The following TRIM17 variants were observed in gnomAD, a reference collection of about 807,000 sequenced individuals.
TRIM17 encodes the protein tripartite motif containing 17.
In TRIM17, 27 loss-of-function variants were observed where a neutral mutation model predicts 35.8. The observed-to-expected ratio is 0.75, with a 90% CI of 0.56 to 1.04. The LOEUF is 1.04. TRIM17 is among the 50% of genes least tolerant of loss of function. TRIM17 has a pLI of 0.00. For missense variants in TRIM17, 582 were observed against 612.8 expected, an observed-to-expected ratio of 0.95 and a Z score of 0.53; for synonymous variants, 246 against 252.6, an observed-to-expected ratio of 0.97 and a Z score of 0.25.
chr1:228,409,797 A>T (rs1168465497), intron 4 of TRIM17: 15 of 131,374 alleles, frequency 1.1e-4, no homozygotes, highest in African/African-American at 4.1e-4. Flanking sequence ...TTGGGGAGGG[A>T]GGGGGGTGGG....
chr1:228,411,102 C>T lies in TRIM17; in HGVS notation c.600G>A (p.Glu200=), dbSNP rs768349233. 2.4e-5 allele frequency: 39 copies of T among 1,614,062 alleles called. No homozygotes were observed. The highest frequency in any genetic ancestry group is 3.2e-5 in the Non-Finnish European group (38 of 1,180,032). The change falls in exon 4 of 7, where the codon GAG becomes GAA. Residue 200 remains glutamate (E), a synonymous_variant. Coordinates refer to ENST00000366698, the MANE Select transcript of TRIM17 (RefSeq NM_016102.4). The surrounding 1 kb of genome is among the most constrained non-coding windows in gnomAD (Gnocchi z 4.2). ...EKMNLYLVEE[E]QRLLQALETE... ...TCTCCAGAGCCTGGAGGAGCCTCTG[C>T]TCTTCTTCCACCAGGTAGAGGTTCA...
At chr1:228,415,900 G>T (rs1657095967) in intron 1 of TRIM17, 1 of 152,312 alleles carries the variant, frequency 6.6e-6, no homozygotes. Flanking sequence ...CACAGGCACA[G>T]ATGCACATAT....
At chr1:228,415,336 C>G (rs1011577797) in intron 1 of TRIM17, 1 of 450,886 alleles carries the variant, frequency 2.2e-6, no homozygotes. Context: ...CTCCTCTCCA[C>G]TGGGCCTGGA....
rs1057001501 is a variant in TRIM17 at position 228,416,822 on chromosome 1, G to T, written c.-325C>A. 1.0e-6 allele frequency: 1 copy of T among 984,946 alleles called. No homozygotes were observed. The allele number at this position is 984,946 out of a possible 1,614,324, so 61.0% of individuals were successfully genotyped here. On this transcript the variant is annotated 5_prime_UTR_variant, in exon 1 of 7. Coordinates refer to ENST00000366698, the MANE Select transcript of TRIM17 (RefSeq NM_016102.4). ...GAAGGAAGGCGGCAGGGGGTGGAAG[G>T]CTCTGGACGAGCCGGGGACAGGCGC...
Position 228,416,738 on chromosome 1 carries a change from A to T in TRIM17, c.-241T>A. ...GGGGGAGGGGAATGCTGGGCGAGGGAGTGTTCGGCGGCCGGGACTGGGGCG... is the reference window on the plus strand; with the variant it reads ...GGGGGAGGGGAATGCTGGGCGAGGGTGTGTTCGGCGGCCGGGACTGGGGCG... On this transcript the variant is annotated 5_prime_UTR_variant, in exon 1 of 7. Coordinates refer to ENST00000366698, the MANE Select transcript of TRIM17 (RefSeq NM_016102.4). The T allele has an allele frequency of 1.1e-6, 1 of 938,544 alleles. No individual in the cohort carries two copies. Among genetic ancestry groups the T allele is most frequent in the Non-Finnish European group, 1.2e-6 (1 of 812,264 alleles). 58.1% of individuals were successfully genotyped at this position (938,544 alleles called of 1,614,324 possible).
chr1:228,408,565 A>T lies in TRIM17; in HGVS notation c.1070T>A (p.Met357Lys). ...SSGRHYWEVG[M>K]NITGDALWAL... The stretch of plus-strand genomic sequence containing the variant: ...CCACAACGCGTCCCCGGTGATGTTC[A>T]TGCCCACCTCCCAGTAGTGCCTCCC... Residue 357 changes from methionine to lysine, a missense_variant, in exon 7 of 7, where the codon ATG becomes AAG. Met to Lys is a moderately conservative substitution (Grantham distance 95). Transcript: ENST00000366698. This position sits in a 1 kb window ranked among gnomAD's most constrained non-coding sequence, Gnocchi z 6.3. 6.2e-7 allele frequency: 1 copy of T among 1,614,060 alleles called. No individual in the cohort carries two copies. The highest frequency in any genetic ancestry group is 8.5e-7 in the Non-Finnish European group (1 of 1,180,004).
chr1:228,416,707 G>A lies in TRIM17; in HGVS notation c.-210C>T, dbSNP rs532924567. ...TTTGTGGCGTCAGCGGGGGCTGGGG[G>A]GCGGCGGGGGAGGGGAATGCTGGGC... On this transcript the variant is annotated 5_prime_UTR_variant, in exon 1 of 7. Coordinates refer to ENST00000366698, the MANE Select transcript of TRIM17 (RefSeq NM_016102.4). 3.1e-6 allele frequency: 3 copies of A among 981,064 alleles called. No individual in the cohort carries two copies. The highest frequency in any genetic ancestry group is 1.2e-4 in the Admixed American group (2 of 16,276). 60.8% of individuals were successfully genotyped at this position (981,064 alleles called of 1,614,324 possible).
In TRIM17 at chr1:228,410,565, T is replaced by C. The variant is rs925545445; in HGVS notation, c.756+381A>G. On this transcript the variant is annotated intron_variant, in intron 4 of 6. Coordinates refer to ENST00000366698, the MANE Select transcript of TRIM17 (RefSeq NM_016102.4). This position sits in a 1 kb window ranked among gnomAD's most constrained non-coding sequence, Gnocchi z 4.6. The stretch of plus-strand genomic sequence containing the variant: ...ACTTGTGTCCCCACTAATTCACAGG[T>C]TGAAGCCTGAACCCTCAGGACCTCA... Among the ~76,000 whole-genome samples the C allele has an allele frequency of 6.6e-6, 1 of 152,094 alleles. No homozygotes were observed. The highest frequency in any genetic ancestry group is 2.4e-5 in the African/African-American group (1 of 41,418).
intron 2 of TRIM17, among the ~76,000 whole-genome samples, chr1:228,414,350 CTTTGCT>C (rs1558458737): frequency 6.6e-6 from 1 of 152,240 alleles, no homozygotes; most frequent in Non-Finnish European, 1.5e-5. Context: ...AATTTCAGTG[CTTTGCT>C]TCTGCTTATC....
rs1476053738 is a variant in TRIM17 at position 228,411,175 on chromosome 1, C to T, written c.527G>A (p.Gly176Asp). The part of the protein sequence containing the change: ...REEQSLAEWQ[G>D]KVKERRERIV... Reference sequence around the variant, plus strand: ...GCGTTCTCTCCGCTCCTTCACCTTGCCCTGCAGGAGTGGAGAAGCCCAGCA... The same window carrying T: ...GCGTTCTCTCCGCTCCTTCACCTTGTCCTGCAGGAGTGGAGAAGCCCAGCA... Residue 176 changes from glycine (G) to aspartate (D), a missense_variant and splice_region_variant, in exon 4 of 7, where the codon GGC (glycine) becomes GAC (aspartate). Coordinates refer to ENST00000366698, the MANE Select transcript of TRIM17 (RefSeq NM_016102.4). This position sits in a 1 kb window ranked among gnomAD's most constrained non-coding sequence, Gnocchi z 4.2. 1.9e-6 allele frequency: 3 copies of T among 1,605,454 alleles called. No individual in the cohort carries two copies. Among genetic ancestry groups the T allele is most frequent in the Non-Finnish European group, 2.6e-6 (3 of 1,175,978 alleles).
rs1288848084 is a variant in TRIM17 at position 228,414,865 on chromosome 1, G to A, written c.208C>T (p.Pro70Ser). 1 of 1,613,528 alleles carries A rather than the reference G, an allele frequency of 6.2e-7. No individual in the cohort carries two copies. The highest frequency in any genetic ancestry group is 8.5e-7 in the Non-Finnish European group (1 of 1,180,036). Residue 70 changes from proline to serine, a missense_variant, in exon 2 of 7, where the codon CCG becomes TCG. Coordinates refer to ENST00000366698, the MANE Select transcript of TRIM17 (RefSeq NM_016102.4). ...FPCPECREMS[P>S]QRNLLPNRLL... ...CGGTTGGGCAGCAGGTTCCTCTGCG[G>A]GGACATCTCTCTGCACTCGGGGCAG...
At chr1:228,409,008 A>AC in intron 6 of TRIM17, 164 bp downstream of exon 6, 1 of 1,569,730 alleles carries the variant, frequency 6.4e-7, no homozygotes, top group South Asian at 1.2e-5. Context: ...AATTAGAACC[A>AC]CCAGTAACGC....
Position 228,411,382 on chromosome 1 carries a change from A to G in TRIM17, c.526-206T>C. ...CTCCGAGCCCCGAACTGCAACTTCTACACATCCAAACACCCATGCACCCTT... is the reference window on the plus strand; with the variant it reads ...CTCCGAGCCCCGAACTGCAACTTCTGCACATCCAAACACCCATGCACCCTT... On this transcript the variant is annotated intron_variant, in intron 3 of 6. Transcript: ENST00000366698. The surrounding 1 kb of genome is among the most constrained non-coding windows in gnomAD (Gnocchi z 4.2). Among the ~76,000 whole-genome samples the G allele has an allele frequency of 6.6e-6, 1 of 152,208 alleles. No individual in the cohort carries two copies. The highest frequency in any genetic ancestry group is 1.5e-5 in the Non-Finnish European group (1 of 68,034).
rs34002550 is a variant in TRIM17 at position 228,412,595 on chromosome 1, CAAAAAAAAA to C, written c.525+1193_525+1201del. Among the ~76,000 whole-genome samples, 2 of 47,410 alleles carry C rather than the reference CAAAAAAAAA, an allele frequency of 4.2e-5. 1 individual carries two copies. Among genetic ancestry groups the C allele is most frequent in the South Asian group, 2.6e-3 (2 of 778 alleles). 31.1% of individuals were successfully genotyped at this position (47,410 alleles called of 152,430 possible). On this transcript the variant is annotated intron_variant, in intron 3 of 6. Transcript: ENST00000366698. Reference sequence around the variant, plus strand: ...GGGCAATAGCAAGACCTTGTCTCTACAAAAAAAAAAAAAAAAAAAAAAAAAAAAGCTGGT... The same window carrying C: ...GGGCAATAGCAAGACCTTGTCTCTACAAAAAAAAAAAAAAAAAAAGCTGGT...
intron 1 of TRIM17, 40 bp downstream of exon 1, chr1:228,416,499 A>G: frequency 1.0e-6 from 1 of 985,620 alleles, no homozygotes; most frequent in Non-Finnish European, 1.2e-6. Flanking sequence ...CCCAGGCGCC[A>G]CAGGAGGGTA....
At position 228,408,964 on chromosome 1, in the gene TRIM17, A is replaced by G; in HGVS notation, c.883+208T>C. 3 of 1,513,040 alleles carry G rather than the reference A, an allele frequency of 2.0e-6. No homozygotes were observed. Among genetic ancestry groups the G allele is most frequent in the Non-Finnish European group, 2.7e-6 (3 of 1,126,106 alleles). 93.7% of individuals were successfully genotyped at this position (1,513,040 alleles called of 1,614,324 possible). On this transcript the variant is annotated intron_variant, in intron 6 of 6. Transcript: ENST00000366698. The surrounding 1 kb of genome is among the most constrained non-coding windows in gnomAD (Gnocchi z 6.3). ...ATAAGGTACAGGGGGCTGGGCAGAG[A>G]GACCACTGGGAACTCAACAAGATTC...
intron 2 of TRIM17, 119 bp downstream of exon 2, chr1:228,414,525 G>T: frequency 1.1e-6 from 1 of 876,502 alleles, no homozygotes. Flanking sequence ...CTCCTCCCCA[G>T]CCCCTGACTC....
chr1:228,411,127 ATCT>A lies in TRIM17; in HGVS notation c.572_574del (p.Lys191del), dbSNP rs765668463. The A allele has an allele frequency of 4.3e-6, 7 of 1,614,064 alleles. No homozygotes were observed. Among genetic ancestry groups the A allele is most frequent in the East Asian group, 2.2e-5 (1 of 44,882 alleles). On this transcript the variant is annotated inframe_deletion, in exon 4 of 7. Transcript: ENST00000366698. This position sits in a 1 kb window ranked among gnomAD's most constrained non-coding sequence, Gnocchi z 4.2. ...CTCTTCTTCCACCAGGTAGAGGTTC[ATCT>A]TCTCAAACTCCAGCACAATGCGTTC...
Position 228,415,027 on chromosome 1 carries a change from A to C in TRIM17, c.46T>G (p.Cys16Gly), listed in dbSNP as rs752080037. Reference sequence around the variant, plus strand: ...GTGAAGTAATCCAGACAGATGGAGCACGTAGCTTCCTCCTGCAGTTTTCTG... The same window carrying C: ...GTGAAGTAATCCAGACAGATGGAGCCCGTAGCTTCCTCCTGCAGTTTTCTG... ...LARKLQEEAT[C>G]SICLDYFTDP... Residue 16 changes from cysteine to glycine, a missense_variant, in exon 2 of 7, where the codon TGC becomes GGC. Cys to Gly is a radical substitution (Grantham distance 159). Transcript: ENST00000366698. 1.9e-6 allele frequency: 3 copies of C among 1,610,046 alleles called. No individual in the cohort carries two copies. Among genetic ancestry groups the C allele is most frequent in the Non-Finnish European group, 2.5e-6 (3 of 1,177,598 alleles).
Sources: gnomAD v4.1 joint callset for allele counts (sites outside exome capture counted in the v4.1 genomes callset) on GRCh38, gnomAD v4.1.1 for gene constraint, Gnocchi (gnomAD v3.1) non-coding constraint, MANE v1.5 for transcripts, NCBI Gene and HGNC (gene_info 2026-07-23, HGNC 2026-07-21) for gene names.